The following ARHGEF26 variants were observed in gnomAD, a reference collection of about 807,000 sequenced individuals.
The protein encoded by ARHGEF26 is Rho guanine nucleotide exchange factor (GEF) 26.
A neutral mutation model predicts 89.4 loss-of-function variants in ARHGEF26; 59 were observed. That is an observed-to-expected ratio of 0.66 (90% CI 0.54 to 0.82). ARHGEF26 has a LOEUF of 0.82. Among genes scored for constraint, ARHGEF26 ranks in the 40% least tolerant of loss-of-function variants. The pLI is 0.00. For synonymous variants in ARHGEF26, 500 were observed against 428.4 expected (o/e 1.17, Z -2.06); for missense variants, 1,234 against 1,085.6 (o/e 1.14, Z -1.92).
At position 154,253,235 on chromosome 3, in the gene ARHGEF26, C is replaced by T. The variant is rs372458607; in HGVS notation, c.2368+52C>T. ...TTGGGAACATGGATGGGCTCTGCCC[C>T]CTGCTGGACGCCGGGTTACTAACGA... On this transcript the variant is annotated intron_variant, in intron 13 of 14. Coordinates refer to ENST00000465093, the MANE Select transcript of ARHGEF26 (RefSeq NM_015595.4). 1.8e-3 allele frequency: 2,924 copies of T among 1,597,814 alleles called. 6 individuals are homozygous for T. The highest frequency in any genetic ancestry group is 2.4e-3 in the Non-Finnish European group (2,780 of 1,168,310).
chr3:154,206,809 A>G (rs1023452689), intron 9 of ARHGEF26, among the ~76,000 whole-genome samples: 1 of 152,224 alleles, frequency 6.6e-6, no homozygotes, highest in African/African-American at 2.4e-5. Flanking sequence ...AGCCAAGGCA[A>G]TTCTAAGCAA....
intron 6 of ARHGEF26, among the ~76,000 whole-genome samples, chr3:154,164,096 T>C (rs955585568): frequency 2.6e-5 from 4 of 152,172 alleles, no homozygotes; most frequent in Non-Finnish European, 4.4e-5. Context: ...AATAAACTTT[T>C]GTAGAAAATG....
At chr3:154,145,715 C>T (rs1719661082) in intron 4 of ARHGEF26, among the ~76,000 whole-genome samples, 1 of 152,070 alleles carries the variant, frequency 6.6e-6, no homozygotes, top group African/African-American at 2.4e-5. Context: ...GTTTACTTCA[C>T]AGAAAATGAT....
chr3:154,155,448 G>A (rs188428893), intron 6 of ARHGEF26, among the ~76,000 whole-genome samples: 11 of 152,046 alleles, frequency 7.2e-5, no homozygotes, highest in African/African-American at 2.4e-4. Flanking sequence ...GAGGGAAAAC[G>A]TATTAGCATT....
intron 5 of ARHGEF26, among the ~76,000 whole-genome samples, chr3:154,151,530 T>G (rs919909602): frequency 3.9e-5 from 6 of 152,164 alleles, no homozygotes; most frequent in Non-Finnish European, 7.3e-5. Flanking sequence ...GTATAGTTTT[T>G]GGGGGTTATT....
chr3:154,246,690 T>C (rs1717819481), intron 12 of ARHGEF26, among the ~76,000 whole-genome samples: 1 of 152,136 alleles, frequency 6.6e-6, no homozygotes, highest in African/African-American at 2.4e-5. Context: ...ATAAGAACCC[T>C]AACCCTAATC....
rs1255261372 is a variant in ARHGEF26 at position 154,239,289 on chromosome 3, AGAGAGAGAGAGTGTGT to A, written c.2091-1079_2091-1064del. 4.5e-3 allele frequency among the ~76,000 whole-genome samples: 469 copies of A among 103,562 alleles called. 3 individuals carry two copies. Among genetic ancestry groups the A allele is most frequent in the African/African-American group, 0.017 (436 of 25,008 alleles). 67.9% of individuals were successfully genotyped at this position (103,562 alleles called of 152,430 possible). On this transcript the variant is annotated intron_variant, in intron 11 of 14. Coordinates refer to ENST00000465093, the MANE Select transcript of ARHGEF26 (RefSeq NM_015595.4). Reference sequence around the variant, plus strand: ...GAGAGAGAGAGAGAGAGAGAGAGAGAGAGAGAGAGAGTGTGTGTGTGTGTGTGTGTGTGTGTGTGTG... The same window carrying A: ...GAGAGAGAGAGAGAGAGAGAGAGAGAGTGTGTGTGTGTGTGTGTGTGTGTG...
At chr3:154,135,112 T>C (rs921898789) in intron 4 of ARHGEF26, among the ~76,000 whole-genome samples, 1 of 152,134 alleles carries the variant, frequency 6.6e-6, no homozygotes, top group Non-Finnish European at 1.5e-5. Flanking sequence ...AGAGAGGAGT[T>C]CCTCTTCTCC....
chr3:154,217,025 T>C (rs1385250343), intron 9 of ARHGEF26, among the ~76,000 whole-genome samples: 3 of 145,784 alleles, frequency 2.1e-5, no homozygotes, highest in African/African-American at 7.7e-5. Flanking sequence ...AGCAGCATGA[T>C]TTATAGTCCT....
chr3:154,141,830 G>C lies in ARHGEF26; in HGVS notation c.1270-7559G>C, dbSNP rs1032618230. Among the ~76,000 whole-genome samples the C allele has an allele frequency of 5.9e-5, 9 of 152,146 alleles. No individual in the cohort carries two copies. In the East Asian group the frequency reaches 1.7e-3, roughly 29 times the overall value. Reference sequence around the variant, plus strand: ...GTTCTGTTACATTTAAATAGATAACGATCACTTCATGATAAGACTTTATTT... The same window carrying C: ...GTTCTGTTACATTTAAATAGATAACCATCACTTCATGATAAGACTTTATTT... On this transcript the variant is annotated intron_variant, in intron 4 of 14. Transcript: ENST00000465093.
Position 154,240,480 on chromosome 3 carries a change from T to C in ARHGEF26, c.2201T>C (p.Leu734Pro), listed in dbSNP as rs946798020. 1 of 1,613,432 alleles carries C rather than the reference T, an allele frequency of 6.2e-7. No individual in the cohort carries two copies. The highest frequency in any genetic ancestry group is 8.5e-7 in the Non-Finnish European group (1 of 1,179,602). The change falls in exon 12 of 15, where the codon CTC (leucine) becomes CCC (proline). Residue 734 changes from leucine to proline, a missense_variant. Leu to Pro is a moderately conservative substitution (Grantham distance 98, BLOSUM62 -3). Coordinates refer to ENST00000465093, the MANE Select transcript of ARHGEF26 (RefSeq NM_015595.4). ...CCAGGGAAGAACAGCTCCACAATGCTCTATTCAAGACAGAGCTCTGCCAGT... is the reference window on the plus strand; with the variant it reads ...CCAGGGAAGAACAGCTCCACAATGCCCTATTCAAGACAGAGCTCTGCCAGT... ...SSPGKNSSTM[L>P]YSRQSSASHL...
chr3:154,256,522 C>G lies in ARHGEF26; in HGVS notation c.*1049C>G. The stretch of plus-strand genomic sequence containing the variant: ...TGCTGGGATTATAGGCATGAGCCAC[C>G]GTGCCCAGCCTACTTTCTAATTAAT... On this transcript the variant is annotated 3_prime_UTR_variant, in exon 15 of 15. Transcript: ENST00000465093. The G allele has an allele frequency of 3.1e-6, 3 of 952,798 alleles. No homozygotes were observed. The highest frequency in any genetic ancestry group is 3.7e-6 in the Non-Finnish European group (3 of 807,716). The allele number at this position is 952,798 out of a possible 1,614,324, so 59.0% of individuals were successfully genotyped here.
chr3:154,121,122 T>C (rs1302853964), upstream of ARHGEF26: 1 of 152,206 alleles, frequency 6.6e-6, no homozygotes, highest in Non-Finnish European at 1.5e-5. Flanking sequence ...CTCCCTTGCT[T>C]GTTCTCACTC....
intron 6 of ARHGEF26, among the ~76,000 whole-genome samples, chr3:154,161,689 A>G (rs543889680): frequency 5.9e-5 from 9 of 152,286 alleles, no homozygotes; most frequent in African/African-American, 1.9e-4. Flanking sequence ...TAGTTGTGGC[A>G]CAATATTACA....
At chr3:154,174,866 T>C (rs1316706019) in intron 6 of ARHGEF26, among the ~76,000 whole-genome samples, 1 of 152,138 alleles carries the variant, frequency 6.6e-6, no homozygotes, top group African/African-American at 2.4e-5. Flanking sequence ...TGAGTTGGCT[T>C]GGCAAAGAAA....
chr3:154,248,549 AC>A (rs1717932322), intron 12 of ARHGEF26, among the ~76,000 whole-genome samples: 1 of 152,100 alleles, frequency 6.6e-6, no homozygotes. Context: ...TCATAATCTT[AC>A]ATTTATCTAG....
At chr3:154,219,056 A>T (rs1715953728) in intron 10 of ARHGEF26, among the ~76,000 whole-genome samples, 2 of 152,236 alleles carry the variant, frequency 1.3e-5, no homozygotes, top group African/African-American at 4.8e-5. Context: ...ACACACATGC[A>T]TGCACGCACA....
intron 4 of ARHGEF26, among the ~76,000 whole-genome samples, chr3:154,130,944 C>G (rs1012334615): frequency 6.6e-5 from 10 of 152,228 alleles, no homozygotes; most frequent in African/African-American, 2.4e-4. Context: ...TGGGAGACAA[C>G]TTCTGCTTCA....
At chr3:154,202,849 G>A (rs1276012592) in intron 9 of ARHGEF26, among the ~76,000 whole-genome samples, 1 of 151,556 alleles carries the variant, frequency 6.6e-6, no homozygotes. Context: ...CATTGATTTT[G>A]TATCCTGAGA....
Sources: gnomAD v4.1 joint callset for allele counts (sites outside exome capture counted in the v4.1 genomes callset) on GRCh38, gnomAD v4.1.1 for gene constraint, MANE v1.5 for transcripts, NCBI Gene and HGNC (gene_info 2026-07-23, HGNC 2026-07-21) for gene names.